Variants in EPHA6 observed in about 807,000 individuals in gnomAD.
EPHA6 encodes EPH receptor A6.
Under a neutral mutation model 112.0 loss-of-function variants are expected in EPHA6, and 50 were observed. The observed-to-expected ratio is 0.45, with a 90% CI of 0.36 to 0.56. The LOEUF is 0.56. Ranked by LOEUF, EPHA6 falls within the 20% of genes least tolerant of loss-of-function variation. EPHA6 has a pLI of 0.00. For missense variants in EPHA6, 1,280 were observed against 1,417.4 expected, an observed-to-expected ratio of 0.90 and a Z score of 1.56; for synonymous variants, 529 against 490.7, an observed-to-expected ratio of 1.08 and a Z score of -1.03.
In EPHA6 at chr3:97,387,641, T is replaced by A. The variant is rs1233521792; in HGVS notation, c.1607-17509T>A. ...CAAGTCTCTAGGAAGTTCCAAACTG[T>A]CCCTCATCTTCCTGTTTTCTTCTGA... On this transcript the variant is annotated intron_variant, in intron 5 of 17. Coordinates refer to ENST00000389672, the MANE Select transcript of EPHA6 (RefSeq NM_001080448.3). Among the ~76,000 whole-genome samples, 7 of 152,160 alleles carry A rather than the reference T, an allele frequency of 4.6e-5. No homozygotes were observed. The East Asian group carries it at 1.2e-3, about 25-fold the overall frequency.
intron 2 of EPHA6, among the ~76,000 whole-genome samples, chr3:96,919,356 T>C (rs183312301): frequency 6.6e-6 from 1 of 152,006 alleles, no homozygotes; most frequent in African/African-American, 2.4e-5. Context: ...ATGGATTAAA[T>C]GTACACACAT....
intron 11 of EPHA6, among the ~76,000 whole-genome samples, chr3:97,543,231 T>C (rs2092892527): frequency 6.6e-6 from 1 of 152,248 alleles, no homozygotes; most frequent in African/African-American, 2.4e-5. Flanking sequence ...GTTTTAGGTC[T>C]ACCATTTAAG....
chr3:97,371,438 T>C (rs2085046476), intron 5 of EPHA6, among the ~76,000 whole-genome samples: 1 of 152,262 alleles, frequency 6.6e-6, no homozygotes, highest in South Asian at 2.1e-4. Context: ...GAACATAAAT[T>C]GTGAAGATTT....
intron 3 of EPHA6, among the ~76,000 whole-genome samples, chr3:97,096,782 A>C (rs1576480899): frequency 6.6e-6 from 1 of 152,066 alleles, no homozygotes; most frequent in Non-Finnish European, 1.5e-5. Flanking sequence ...AAAAACCAAA[A>C]GTTAGTGCTT....
intron 11 of EPHA6, among the ~76,000 whole-genome samples, chr3:97,547,597 G>A (rs1474025519): frequency 1.3e-5 from 2 of 152,244 alleles, no homozygotes; most frequent in Non-Finnish European, 2.9e-5. Flanking sequence ...AAAGCTGTCA[G>A]AGAGGGACAT....
intron 2 of EPHA6, among the ~76,000 whole-genome samples, chr3:96,962,220 A>G (rs2041970198): frequency 6.6e-6 from 1 of 152,102 alleles, no homozygotes; most frequent in Non-Finnish European, 1.5e-5. Flanking sequence ...AAATGGGCAG[A>G]GCTTTGATGG....
At chr3:96,883,305 A>G in intron 2 of EPHA6, among the ~76,000 whole-genome samples, 1 of 152,222 alleles carries the variant, frequency 6.6e-6, no homozygotes, top group African/African-American at 2.4e-5. Flanking sequence ...TTTGTTGTAG[A>G]TTCTGGATAT....
intron 9 of EPHA6, among the ~76,000 whole-genome samples, chr3:97,482,225 A>G (rs752474253): frequency 9.2e-5 from 14 of 152,238 alleles, no homozygotes; most frequent in Non-Finnish European, 2.1e-4. Flanking sequence ...AAAACCACAT[A>G]TGAGTTAATA....
chr3:97,701,612 A>ATATATG (rs1424775935), intron 14 of EPHA6, among the ~76,000 whole-genome samples: 1 of 146,422 alleles, frequency 6.8e-6, no homozygotes, highest in Non-Finnish European at 1.5e-5. Context: ...TATGGGTCAT[A>ATATATG]TATATGTATA....
At chr3:97,139,918 TAAG>T (rs1243821465) in intron 3 of EPHA6, among the ~76,000 whole-genome samples, 2 of 150,514 alleles carry the variant, frequency 1.3e-5, no homozygotes, top group Non-Finnish European at 3.0e-5. Context: ...CACAAAGAAA[TAAG>T]AAAAATTTCC....
At chr3:97,032,736 T>C (rs1341781350) in intron 3 of EPHA6, among the ~76,000 whole-genome samples, 3 of 152,022 alleles carry the variant, frequency 2.0e-5, no homozygotes, top group Non-Finnish European at 2.9e-5. Flanking sequence ...TTACACACTA[T>C]GAGGTACTGT....
At chr3:96,986,862 C>G (rs1333790347) in intron 2 of EPHA6, among the ~76,000 whole-genome samples, 1 of 152,096 alleles carries the variant, frequency 6.6e-6, no homozygotes. Flanking sequence ...GCAAAGAAAA[C>G]ACACCACAAT....
chr3:97,578,213 T>C (rs2093405555), intron 11 of EPHA6, among the ~76,000 whole-genome samples: 1 of 152,106 alleles, frequency 6.6e-6, no homozygotes, highest in Admixed American at 6.5e-5. Context: ...CTTTCACAAA[T>C]AAGCAACATC....
chr3:97,006,835 G>A (rs1285705084), intron 3 of EPHA6, among the ~76,000 whole-genome samples: 2 of 151,164 alleles, frequency 1.3e-5, no homozygotes, highest in African/African-American at 4.8e-5. Flanking sequence ...CAAAGAACTT[G>A]ATTTCTGCCT....
chr3:97,125,702 G>A (rs1229896579), intron 3 of EPHA6, among the ~76,000 whole-genome samples: 1 of 152,054 alleles, frequency 6.6e-6, no homozygotes, highest in Non-Finnish European at 1.5e-5. Context: ...ATAAATAAAT[G>A]ATTTAAATAA....
chr3:97,678,364 A>G (rs1245768365), intron 14 of EPHA6, among the ~76,000 whole-genome samples: 1 of 152,166 alleles, frequency 6.6e-6, no homozygotes, highest in Non-Finnish European at 1.5e-5. Flanking sequence ...ATGGGCCATG[A>G]GGTTCAGAGG....
chr3:96,858,077 A>G (rs2035799592), intron 1 of EPHA6, among the ~76,000 whole-genome samples: 1 of 152,102 alleles, frequency 6.6e-6, no homozygotes, highest in Non-Finnish European at 1.5e-5. Flanking sequence ...CAAAGGAAAA[A>G]AACACCATTG....
At chr3:97,705,814 T>G (rs2033648296) in intron 14 of EPHA6, among the ~76,000 whole-genome samples, 1 of 152,218 alleles carries the variant, frequency 6.6e-6, no homozygotes. Context: ...TTAAATCATC[T>G]TTTGCCACTG....
intron 5 of EPHA6, among the ~76,000 whole-genome samples, chr3:97,365,276 G>C (rs2084650454): frequency 6.6e-6 from 1 of 152,082 alleles, no homozygotes; most frequent in Admixed American, 6.6e-5. Flanking sequence ...GTTTCAAAGA[G>C]ATTAAAGCAG....
Sources: gnomAD v4.1 joint callset for allele counts (sites outside exome capture counted in the v4.1 genomes callset) on GRCh38, gnomAD v4.1.1 for gene constraint, MANE v1.5 for transcripts, NCBI Gene and HGNC (gene_info 2026-07-23, HGNC 2026-07-21) for gene names.